The following FLYWCH1 variants were observed in gnomAD, a reference collection of about 807,000 sequenced individuals.
The protein encoded by FLYWCH1 is FLYWCH-type zinc finger 1, also known as FLYWCH-type zinc finger-containing protein 1.
Under a neutral mutation model 66.4 loss-of-function variants are expected in FLYWCH1, and 75 were observed. The observed-to-expected ratio is 1.13, with a 90% confidence interval of 0.94 to 1.37. FLYWCH1 has a LOEUF of 1.37. Among genes scored for constraint, FLYWCH1 ranks in the 40% most tolerant of loss-of-function variants. The probability of loss-of-function intolerance (pLI) is 0.00; values close to 1 mark genes in which losing one functional copy is unlikely to be tolerated. For synonymous variants in FLYWCH1, 595 were observed against 429.9 expected, an observed-to-expected ratio of 1.38 and a Z score of -4.75; for missense variants, 1,334 against 1,001.8, an observed-to-expected ratio of 1.33 and a Z score of -4.48.
intron 2 of FLYWCH1, among the ~76,000 whole-genome samples, chr16:2,926,294 G>A (rs1005694617): frequency 3.9e-5 from 6 of 152,202 alleles, no homozygotes; most frequent in African/African-American, 1.4e-4. Flanking sequence ...AAGCAAATAG[G>A]GAAGGTAAAA....
rs763035661 is a variant in FLYWCH1 at position 2,923,015 on chromosome 16, T to G, written c.-73-6598T>G. On this transcript the variant is annotated intron_variant, in intron 2 of 9. Transcript: ENST00000253928. The stretch of plus-strand genomic sequence containing the variant: ...GGCGGGTGACGCGCGGATCTTTTTT[T>G]GGGGGGGCTGTTGTGTGGATCTTTT... 1.2e-4 allele frequency: 55 copies of G among 468,504 alleles called. No homozygotes were observed. The East Asian group carries it at 2.4e-3, about 21-fold the overall frequency. The allele number at this position is 468,504 out of a possible 1,614,324, so 29.0% of individuals were successfully genotyped here. A position where few individuals can be genotyped will look rare whatever the true frequency, so the allele number is the denominator to read the frequency against.
At position 2,940,089 on chromosome 16, in the gene FLYWCH1, A is replaced by G. The variant is rs766048094; in HGVS notation, c.2108A>G (p.Tyr703Cys). The G allele has an allele frequency of 7.6e-7, 1 of 1,319,904 alleles. No individual in the cohort carries two copies. Among genetic ancestry groups the G allele is most frequent in the Non-Finnish European group, 1.1e-6 (1 of 912,982 alleles). 81.8% of individuals were successfully genotyped at this position (1,319,904 alleles called of 1,614,324 possible). A position where few individuals can be genotyped will look rare whatever the true frequency, so the allele number is the denominator to read the frequency against. Residue 703 changes from tyrosine to cysteine, a missense_variant, in exon 9 of 10, where the codon TAT becomes TGT. By Grantham distance (194) the Tyr-to-Cys change is radical. Coordinates refer to ENST00000253928, the MANE Select transcript of FLYWCH1 (RefSeq NM_001308068.2). ...KTCSPESQQI[Y>C]GDIKDVRLDG... ...TGTTCTCCTGAAAGCCAGCAGATTTATGGGTAATTGTATTTGTTATCTAAT... is the reference window on the plus strand; with the variant it reads ...TGTTCTCCTGAAAGCCAGCAGATTTGTGGGTAATTGTATTTGTTATCTAAT...
At chr16:2,934,001 G>C in intron 6 of FLYWCH1, 22 bp downstream of exon 6, 1 of 1,500,130 alleles carries the variant, frequency 6.7e-7, no homozygotes, top group Non-Finnish European at 8.9e-7. Context: ...TGGGCTGGGA[G>C]CTGGGCCCCA....
At chr16:2,934,732 G>C (rs1567340440) in intron 6 of FLYWCH1, 1 of 452,780 alleles carries the variant, frequency 2.2e-6, no homozygotes, top group Non-Finnish European at 4.4e-6. Context: ...TTCTCTTTTT[G>C]TTCCATCTCC....
At position 2,934,564 on chromosome 16, in the gene FLYWCH1, C is replaced by G. The variant is rs954669709; in HGVS notation, c.1513+585C>G. 24 of 444,426 alleles carry G rather than the reference C, an allele frequency of 5.4e-5. No homozygotes were observed. In the Admixed American group the frequency reaches 5.9e-4, roughly 11 times the overall value. The allele number at this position is 444,426 out of a possible 1,614,324, so 27.5% of individuals were successfully genotyped here. On this transcript the variant is annotated intron_variant, in intron 6 of 9. Transcript: ENST00000253928. ...GTCCCCATAGCGTCTGGCTGAGGAGCCATTTCATCGTGGCCTCCTCCACTC... is the reference window on the plus strand; with the variant it reads ...GTCCCCATAGCGTCTGGCTGAGGAGGCATTTCATCGTGGCCTCCTCCACTC...
At chr16:2,939,086 A>AG (rs902555191) in intron 8 of FLYWCH1, among the ~76,000 whole-genome samples, 2 of 152,098 alleles carry the variant, frequency 1.3e-5, no homozygotes, top group African/African-American at 4.8e-5. Context: ...ACCAATCTTT[A>AG]GAAAGCATTG....
chr16:2,923,642 G>A (rs922941475), intron 2 of FLYWCH1, among the ~76,000 whole-genome samples: 1 of 152,224 alleles, frequency 6.6e-6, no homozygotes, highest in African/African-American at 2.4e-5. Context: ...GCACCCATCT[G>A]GGGGATGTGG....
Position 2,930,786 on chromosome 16 carries a change from G to A in FLYWCH1, c.702G>A (p.Leu234=), listed in dbSNP as rs2070735489. 1.9e-6 allele frequency: 3 copies of A among 1,592,374 alleles called. No homozygotes were observed. The highest frequency in any genetic ancestry group is 2.3e-5 in the East Asian group (1 of 44,096). ...AGGAGCCCGAGCCCACTCCTGGGCT[G>A]GTGCTGAGCAAGCCGGCCCTGGAGG... is the stretch of plus-strand genomic sequence containing the variant. ...CPEEPEPTPG[L]VLSKPALEEE... The change falls in exon 4 of 10, where the codon CTG becomes CTA. Residue 234 remains leucine (L), a synonymous_variant. Transcript: ENST00000253928.
chr16:2,923,003 C>A, intron 2 of FLYWCH1: 1 of 483,900 alleles, frequency 2.1e-6, no homozygotes, highest in East Asian at 5.6e-5. Context: ...GGGTGACGCG[C>A]GGATCTTTTT....
At chr16:2,938,938 G>C (rs1352959645) in intron 8 of FLYWCH1, among the ~76,000 whole-genome samples, 3 of 138,760 alleles carry the variant, frequency 2.2e-5, no homozygotes, top group Non-Finnish European at 4.7e-5. Flanking sequence ...TCAGAGTTTT[G>C]CTCTTGTTGC....
At chr16:2,936,309 C>G (rs1411469610) in intron 6 of FLYWCH1, 1 of 438,452 alleles carries the variant, frequency 2.3e-6, no homozygotes, top group Non-Finnish European at 4.6e-6. Context: ...TCGTCCTGAC[C>G]TCTTCTGTCT....
Position 2,940,493 on chromosome 16 carries a change from C to T in FLYWCH1, c.2111+401C>T, listed in dbSNP as rs568713584. Among the ~76,000 whole-genome samples, 67 of 152,284 alleles carry T rather than the reference C, an allele frequency of 4.4e-4. 1 individual carries two copies. Among genetic ancestry groups the T allele is most frequent in the African/African-American group, 1.2e-3 (49 of 41,566 alleles). On this transcript the variant is annotated intron_variant, in intron 9 of 9. Transcript: ENST00000253928. ...GTGTGTGGCCCAGGCTGGAGTACAG[C>T]GGCATGATCTCAGCTCACTGCAAAC...
chr16:2,948,377 G>A (rs1488073159), intron 9 of FLYWCH1, among the ~76,000 whole-genome samples: 5 of 151,958 alleles, frequency 3.3e-5, no homozygotes, highest in Non-Finnish European at 5.9e-5. Context: ...TGGCCAACAT[G>A]GTGAAACCCC....
chr16:2,942,444 G>A (rs879518167), intron 9 of FLYWCH1, among the ~76,000 whole-genome samples: 8 of 152,056 alleles, frequency 5.3e-5, no homozygotes, highest in Admixed American at 3.3e-4. Flanking sequence ...CGCAATGCTT[G>A]GCCCCAGCTC....
At chr16:2,926,442 G>A (rs2070569563) in intron 2 of FLYWCH1, among the ~76,000 whole-genome samples, 1 of 152,206 alleles carries the variant, frequency 6.6e-6, no homozygotes, top group Non-Finnish European at 1.5e-5. Context: ...CAAAGGGACA[G>A]AATTCCAGAA....
At position 2,929,706 on chromosome 16, in the gene FLYWCH1, C is replaced by G; in HGVS notation, c.21C>G (p.Ser7Arg). Residue 7 changes from serine to arginine, a missense_variant, in exon 3 of 10, where the codon AGC (serine) becomes AGG (arginine). Transcript: ENST00000253928. MPLPEP[S>R]EQEGESVKAG... The stretch of plus-strand genomic sequence containing the variant: ...CCGGGATGCCCCTGCCCGAGCCCAG[C>G]GAGCAGGAGGGCGAGAGTGTGAAGG... The G allele has an allele frequency of 6.2e-7, 1 of 1,612,460 alleles. No homozygotes were observed. Among genetic ancestry groups the G allele is most frequent in the Non-Finnish European group, 8.5e-7 (1 of 1,179,258 alleles).
chr16:2,945,747 C>T (rs1435294018), intron 9 of FLYWCH1, among the ~76,000 whole-genome samples: 1 of 151,934 alleles, frequency 6.6e-6, no homozygotes, highest in Non-Finnish European at 1.5e-5. Context: ...CCTGTAATCC[C>T]AGCACTTTGG....
intron 2 of FLYWCH1, among the ~76,000 whole-genome samples, chr16:2,916,661 T>C (rs4438305): frequency 0.85 from 128,593 of 151,634 alleles, 54,797 homozygotes; most frequent in Non-Finnish European, 0.87. Flanking sequence ...AAACAAAAAA[T>C]AAAAAAAAGA....
rs764743533 is a variant in FLYWCH1 at position 2,930,028 on chromosome 16, G to T, written c.325+18G>T. 6.3e-7 allele frequency: 1 copy of T among 1,588,934 alleles called. No homozygotes were observed. The highest frequency in any genetic ancestry group is 8.6e-7 in the Non-Finnish European group (1 of 1,163,350). ...GGATGCAGGTGAGGTGTGGCTTCCC[G>T]CCCCTGCCCAGCCACCCCGTGGGTT... On this transcript the variant is annotated intron_variant, in intron 3 of 9. Coordinates refer to ENST00000253928, the MANE Select transcript of FLYWCH1 (RefSeq NM_001308068.2).
Sources: gnomAD v4.1 joint callset for allele counts (sites outside exome capture counted in the v4.1 genomes callset) on GRCh38, gnomAD v4.1.1 for gene constraint, MANE v1.5 for transcripts, NCBI Gene and HGNC (gene_info 2026-07-23, HGNC 2026-07-21) for gene names.